RAMP1: variants seen among roughly 807,000 people sequenced by gnomAD.
The protein encoded by RAMP1 is receptor activity-modifying protein 1.
RAMP1 carries 7 observed loss-of-function variants against 8.2 expected under a neutral mutation model. That is an observed-to-expected ratio of 0.85 (90% CI 0.49 to 1.60). The LOEUF is 1.60. RAMP1 is among the 40% of genes most tolerant of loss of function. RAMP1 has a pLI of 0.00. For missense variants in RAMP1, 192 were observed against 202.4 expected, an observed-to-expected ratio of 0.95 and a Z score of 0.31; for synonymous variants, 92 against 84.7, an observed-to-expected ratio of 1.09 and a Z score of -0.47.
At chr2:237,882,127 C>CA (rs1485090311) in intron 2 of RAMP1, among the ~76,000 whole-genome samples, 1 of 152,206 alleles carries the variant, frequency 6.6e-6, no homozygotes, top group African/African-American at 2.4e-5. Flanking sequence ...CCACTTGTCC[C>CA]ATTTATGCAA....
intron 1 of RAMP1, 33 bp downstream of exon 1, chr2:237,859,760 C>T: frequency 6.7e-7 from 1 of 1,493,036 alleles, no homozygotes; most frequent in South Asian, 1.3e-5. Flanking sequence ...GCCGAGCTCC[C>T]TTCCCCTGGC....
intron 1 of RAMP1, among the ~76,000 whole-genome samples, chr2:237,864,346 C>A (rs1055486856): frequency 1.5e-5 from 2 of 137,694 alleles, no homozygotes; most frequent in African/African-American, 3.6e-5. Context: ...CTGCCGCTGT[C>A]AGGTACCCTG....
At chr2:237,906,943 G>A (rs950619434) in intron 2 of RAMP1, among the ~76,000 whole-genome samples, 5 of 151,974 alleles carry the variant, frequency 3.3e-5, no homozygotes, top group East Asian at 1.9e-4. Context: ...GGCTGGTCTC[G>A]AACTCCTGAC....
At chr2:237,882,500 C>A (rs926083110) in intron 2 of RAMP1, among the ~76,000 whole-genome samples, 1 of 152,136 alleles carries the variant, frequency 6.6e-6, no homozygotes, top group African/African-American at 2.4e-5. Flanking sequence ...CAGCTGGTAC[C>A]CATGGCTCCC....
chr2:237,859,603 G>A (rs1324765351), upstream of RAMP1: 7 of 1,144,510 alleles, frequency 6.1e-6, no homozygotes, highest in South Asian at 3.6e-5. Context: ...TCTCCTCCGG[G>A]CCCGCGCCGC....
chr2:237,901,133 C>T (rs973142691), intron 2 of RAMP1, among the ~76,000 whole-genome samples: 7 of 152,388 alleles, frequency 4.6e-5, no homozygotes, highest in East Asian at 3.9e-4. Context: ...CCCTTCTCAC[C>T]GGCCTGGGCC....
intron 2 of RAMP1, among the ~76,000 whole-genome samples, chr2:237,910,538 AAC>A (rs2062700729): frequency 6.6e-6 from 1 of 151,392 alleles, no homozygotes; most frequent in Non-Finnish European, 1.5e-5. Context: ...CACACACAGT[AAC>A]ACACAGAATA....
chr2:237,911,464 G>A (rs901875043), intron 2 of RAMP1, 64 bp from the exon 3 acceptor site: 2 of 1,586,906 alleles, frequency 1.3e-6, no homozygotes, highest in African/African-American at 2.7e-5. Flanking sequence ...AGCAGCCCGG[G>A]CTGGGGTCCC....
Position 237,882,867 on chromosome 2 carries a change from C to T in RAMP1, c.191+5505C>T, listed in dbSNP as rs78180337. Among the ~76,000 whole-genome samples the T allele has an allele frequency of 3.9e-5, 6 of 152,042 alleles. No homozygotes were observed. The South Asian group carries it at 1.2e-3, about 32-fold the overall frequency. On this transcript the variant is annotated intron_variant, in intron 2 of 2. Coordinates refer to ENST00000254661, the MANE Select transcript of RAMP1 (RefSeq NM_005855.4). ...GGTGGCACTGTGTCTGTTGGATGAG[C>T]GGGACCCCAAAGTGAGGCTGACCGG...
At chr2:237,891,695 A>G (rs2062490013) in intron 2 of RAMP1, among the ~76,000 whole-genome samples, 1 of 152,158 alleles carries the variant, frequency 6.6e-6, no homozygotes, top group African/African-American at 2.4e-5. Flanking sequence ...AAAAGAAGAA[A>G]TTATCTGTTT....
At position 237,862,399 on chromosome 2, in the gene RAMP1, C is replaced by T. The variant is rs2062141260; in HGVS notation, c.52+2672C>T. Among the ~76,000 whole-genome samples, 1 of 152,210 alleles carries T rather than the reference C, an allele frequency of 6.6e-6. No homozygotes were observed. Among genetic ancestry groups the T allele is most frequent in the South Asian group, 2.1e-4 (1 of 4,830 alleles). ...CTTCCTTCCACAGGCGCATGCCTGT[C>T]AGCGTGCTTATTACCAGTCCGAGGC... On this transcript the variant is annotated intron_variant, in intron 1 of 2. Transcript: ENST00000254661. This position sits in a 1 kb window ranked among gnomAD's most constrained non-coding sequence, Gnocchi z 4.0.
intron 2 of RAMP1, among the ~76,000 whole-genome samples, chr2:237,904,030 C>T (rs1021993502): frequency 5.9e-5 from 9 of 152,254 alleles, no homozygotes; most frequent in South Asian, 2.1e-4. Context: ...TGAGCCACCA[C>T]GCCCAGCCTA....
At chr2:237,893,214 G>A (rs2151016905) in intron 2 of RAMP1, among the ~76,000 whole-genome samples, 1 of 152,308 alleles carries the variant, frequency 6.6e-6, no homozygotes, top group African/African-American at 2.4e-5. Context: ...TTGTCTCTGG[G>A]TGTTTGGGAT....
At chr2:237,876,106 G>A (rs372568395) in intron 1 of RAMP1, among the ~76,000 whole-genome samples, 4 of 152,168 alleles carry the variant, frequency 2.6e-5, no homozygotes, top group Non-Finnish European at 5.9e-5. Context: ...CAGGGTGCCC[G>A]GCGCATCGGG....
In RAMP1 at chr2:237,859,653, T is replaced by G; in HGVS notation, c.-23T>G. 6.9e-7 allele frequency: 1 copy of G among 1,451,590 alleles called. No homozygotes were observed. Among genetic ancestry groups the G allele is most frequent in the Non-Finnish European group, 9.1e-7 (1 of 1,100,222 alleles). The allele number at this position is 1,451,590 out of a possible 1,614,324, so 89.9% of individuals were successfully genotyped here. A position where few individuals can be genotyped will look rare whatever the true frequency, so the allele number is the denominator to read the frequency against. On this transcript the variant is annotated 5_prime_UTR_variant, in exon 1 of 3. Coordinates refer to ENST00000254661, the MANE Select transcript of RAMP1 (RefSeq NM_005855.4). Reference sequence around the variant, plus strand: ...TCAGCGGGGCGCGTGGCGAGCGGACTCGACTCGGCACCGCTGTGCACCATG... The same window carrying G: ...TCAGCGGGGCGCGTGGCGAGCGGACGCGACTCGGCACCGCTGTGCACCATG...
At position 237,878,304 on chromosome 2, in the gene RAMP1, G is replaced by C. The variant is rs1452213425; in HGVS notation, c.191+942G>C. 6.6e-6 allele frequency among the ~76,000 whole-genome samples: 1 copy of C among 152,240 alleles called. No homozygotes were observed. Among genetic ancestry groups the C allele is most frequent in the African/African-American group, 2.4e-5 (1 of 41,468 alleles). On this transcript the variant is annotated intron_variant, in intron 2 of 2. Coordinates refer to ENST00000254661, the MANE Select transcript of RAMP1 (RefSeq NM_005855.4). This position sits in a 1 kb window ranked among gnomAD's most constrained non-coding sequence, Gnocchi z 5.7. ...TGGTGGGGAGGGCCAGGGGCAGGGA[G>C]GAGGGCCTCGGGAGGGTCTTCACGG...
intron 2 of RAMP1, among the ~76,000 whole-genome samples, chr2:237,881,543 C>T (rs959190270): frequency 6.6e-6 from 1 of 152,226 alleles, no homozygotes; most frequent in Non-Finnish European, 1.5e-5. Context: ...CCACCAGCAG[C>T]GTATGGGGTG....
rs1057433619 is a variant in RAMP1 at position 237,873,779 on chromosome 2, C to T, written c.53-3445C>T. Among the ~76,000 whole-genome samples, 3 of 152,322 alleles carry T rather than the reference C, an allele frequency of 2.0e-5. No individual in the cohort carries two copies. In the South Asian group the frequency reaches 6.2e-4, roughly 32 times the overall value. ...TTGGCAATTTTATCCTATTTTAAAA[C>T]TTTGATGTTACCTCTCTCTGCAAGG... is the stretch of plus-strand genomic sequence containing the variant. On this transcript the variant is annotated intron_variant, in intron 1 of 2. Transcript: ENST00000254661.
At chr2:237,901,543 G>C (rs2062596149) in intron 2 of RAMP1, among the ~76,000 whole-genome samples, 1 of 152,234 alleles carries the variant, frequency 6.6e-6, no homozygotes, top group Non-Finnish European at 1.5e-5. Flanking sequence ...AACAGCATGT[G>C]CAAAGGTCCT....
Sources: gnomAD v4.1 joint callset for allele counts (sites outside exome capture counted in the v4.1 genomes callset) on GRCh38, gnomAD v4.1.1 for gene constraint, Gnocchi (gnomAD v3.1) non-coding constraint, MANE v1.5 for transcripts, NCBI Gene and HGNC (gene_info 2026-07-23, HGNC 2026-07-21) for gene names.